Variants in RFTN1 observed in about 807,000 individuals in gnomAD.
RFTN1 encodes raftlin.
A neutral mutation model predicts 46.5 loss-of-function variants in RFTN1; 26 were observed. The observed-to-expected ratio is 0.56, with a 90% CI of 0.41 to 0.78. RFTN1 has a LOEUF of 0.78. RFTN1 is among the 30% of genes least tolerant of loss of function. The probability of loss-of-function intolerance (pLI) is 0.00; values close to 1 mark genes in which losing one functional copy is unlikely to be tolerated. For synonymous variants in RFTN1, 261 were observed against 284.2 expected, an observed-to-expected ratio of 0.92 and a Z score of 0.82; for missense variants, 693 against 718.7, an observed-to-expected ratio of 0.96 and a Z score of 0.41.
chr3:16,434,980 A>C (rs2075474354), intron 2 of RFTN1, among the ~76,000 whole-genome samples: 1 of 152,234 alleles, frequency 6.6e-6, no homozygotes, highest in Admixed American at 6.5e-5. Context: ...CACCTATTGA[A>C]TTATTTTAAA....
intron 4 of RFTN1, among the ~76,000 whole-genome samples, chr3:16,386,885 G>A (rs1242997093): frequency 1.3e-5 from 2 of 152,146 alleles, no homozygotes; most frequent in African/African-American, 4.8e-5. Context: ...AGAAGTCCAC[G>A]GGAGACAAAA....
chr3:16,469,292 G>A (rs902543039), intron 2 of RFTN1, among the ~76,000 whole-genome samples: 3 of 152,228 alleles, frequency 2.0e-5, no homozygotes, highest in Non-Finnish European at 2.9e-5. Context: ...ACTTCGAAGC[G>A]TGACTGGTAT....
chr3:16,381,724 C>T lies in RFTN1; in HGVS notation c.442-3622G>A, dbSNP rs1374440567. Among the ~76,000 whole-genome samples, 6 of 152,060 alleles carry T rather than the reference C, an allele frequency of 3.9e-5. No homozygotes were observed. Among genetic ancestry groups the T allele is most frequent in the Admixed American group, 3.3e-4 (5 of 15,270 alleles). Reference sequence around the variant, plus strand: ...GCAAAAGCGTGACAGTATGCAACAGCCTGGTGTGTTGAGGAAATTTCTAGA... The same window carrying T: ...GCAAAAGCGTGACAGTATGCAACAGTCTGGTGTGTTGAGGAAATTTCTAGA... On this transcript the variant is annotated intron_variant, in intron 4 of 9. Coordinates refer to ENST00000334133, the MANE Select transcript of RFTN1 (RefSeq NM_015150.2). The surrounding 1 kb of genome is among the most constrained non-coding windows in gnomAD (Gnocchi z 4.2).
chr3:16,326,942 GA>G (rs2069763967), intron 7 of RFTN1, 66 bp from the exon 8 acceptor site: 4 of 1,232,182 alleles, frequency 3.2e-6, no homozygotes, highest in Non-Finnish European at 4.7e-6. Context: ...AATGAGAGGG[GA>G]CTATTCAGTC....
intron 2 of RFTN1, among the ~76,000 whole-genome samples, chr3:16,491,154 G>A (rs1402161630): frequency 1.3e-5 from 2 of 152,142 alleles, no homozygotes; most frequent in Non-Finnish European, 2.9e-5. Context: ...GAATTGGGGA[G>A]AAGGTAGAAA....
In RFTN1 at chr3:16,448,364, A is replaced by C. The variant is rs1213946181; in HGVS notation, c.146-14327T>G. The stretch of plus-strand genomic sequence containing the variant: ...ATGCATTTTCTTACAGTCCAAAAAA[A>C]AACATGATCCCTTGTTGACTTTTAT... On this transcript the variant is annotated intron_variant, in intron 2 of 9. Transcript: ENST00000334133. The surrounding 1 kb of genome is among the most constrained non-coding windows in gnomAD (Gnocchi z 4.1). 1.3e-5 allele frequency among the ~76,000 whole-genome samples: 2 copies of C among 152,192 alleles called. No homozygotes were observed. Among genetic ancestry groups the C allele is most frequent in the East Asian group, 3.8e-4 (2 of 5,198 alleles).
At position 16,448,156 on chromosome 3, in the gene RFTN1, T is replaced by C. The variant is rs1240195928; in HGVS notation, c.146-14119A>G. On this transcript the variant is annotated intron_variant, in intron 2 of 9. Transcript: ENST00000334133. The surrounding 1 kb of genome is among the most constrained non-coding windows in gnomAD (Gnocchi z 4.1). ...AAAAAGTCTCCCAATAATAATTTTT[T>C]ATTGATTCCATATTGAAATGATAAA... is the stretch of plus-strand genomic sequence containing the variant. Among the ~76,000 whole-genome samples, 2 of 152,122 alleles carry C rather than the reference T, an allele frequency of 1.3e-5. No individual in the cohort carries two copies. Among genetic ancestry groups the C allele is most frequent in the African/African-American group, 4.8e-5 (2 of 41,434 alleles).
rs2124895022 is a variant in RFTN1 at position 16,446,927 on chromosome 3, A to C, written c.146-12890T>G. Among the ~76,000 whole-genome samples the C allele has an allele frequency of 6.6e-6, 1 of 152,362 alleles. No homozygotes were observed. The highest frequency in any genetic ancestry group is 2.1e-4 in the South Asian group (1 of 4,828). The stretch of plus-strand genomic sequence containing the variant: ...AAGCTTCTGAATATAGTAATATAAA[A>C]TGACAAACTATGGAAACTATTGGAA... On this transcript the variant is annotated intron_variant, in intron 2 of 9. Coordinates refer to ENST00000334133, the MANE Select transcript of RFTN1 (RefSeq NM_015150.2). This position sits in a 1 kb window ranked among gnomAD's most constrained non-coding sequence, Gnocchi z 4.5.
In RFTN1 at chr3:16,382,777, T is replaced by C. The variant is rs1286128736; in HGVS notation, c.442-4675A>G. 2.6e-5 allele frequency among the ~76,000 whole-genome samples: 4 copies of C among 152,136 alleles called. No homozygotes were observed. The highest frequency in any genetic ancestry group is 7.2e-5 in the African/African-American group (3 of 41,430). On this transcript the variant is annotated intron_variant, in intron 4 of 9. Transcript: ENST00000334133. This position sits in a 1 kb window ranked among gnomAD's most constrained non-coding sequence, Gnocchi z 4.7. ...AGTGTTTCTGGAATTACTTCCTCCT[T>C]CTCCATAAAGTGACCATCCAAGCTC... is the stretch of plus-strand genomic sequence containing the variant.
At chr3:16,404,952 T>C (rs918508560) in intron 4 of RFTN1, among the ~76,000 whole-genome samples, 3 of 152,120 alleles carry the variant, frequency 2.0e-5, no homozygotes, top group African/African-American at 7.2e-5. Context: ...CATTCTGGTC[T>C]CTCAAATGGA....
intron 2 of RFTN1, 61 bp from the exon 3 acceptor site, chr3:16,434,098 C>A: frequency 7.1e-7 from 1 of 1,409,580 alleles, no homozygotes; most frequent in Non-Finnish European, 9.4e-7. Flanking sequence ...CAGCCCTGCC[C>A]AAACCCCTCT....
chr3:16,342,014 A>G lies in RFTN1; in HGVS notation c.1147-15138T>C, dbSNP rs1020446114. On this transcript the variant is annotated intron_variant, in intron 7 of 9. Coordinates refer to ENST00000334133, the MANE Select transcript of RFTN1 (RefSeq NM_015150.2). The surrounding 1 kb of genome is among the most constrained non-coding windows in gnomAD (Gnocchi z 4.0). ...ATTTTCTAAATTATCTTTAATGACCACTTGTCACTTTTTTCAACATCTTTA... is the reference window on the plus strand; with the variant it reads ...ATTTTCTAAATTATCTTTAATGACCGCTTGTCACTTTTTTCAACATCTTTA... Among the ~76,000 whole-genome samples the G allele has an allele frequency of 1.3e-5, 2 of 152,154 alleles. No individual in the cohort carries two copies. The highest frequency in any genetic ancestry group is 2.9e-5 in the Non-Finnish European group (2 of 68,026).
At chr3:16,399,660 G>T (rs62236333) in intron 4 of RFTN1, among the ~76,000 whole-genome samples, 11,486 of 152,164 alleles carry the variant, frequency 0.075, 547 homozygotes, top group African/African-American at 0.13. Flanking sequence ...CTTCCTGGGC[G>T]ATTTCATCCA....
chr3:16,489,844 G>T lies in RFTN1; in HGVS notation c.145+3881C>A, dbSNP rs1347663528. On this transcript the variant is annotated intron_variant, in intron 2 of 9. Coordinates refer to ENST00000334133, the MANE Select transcript of RFTN1 (RefSeq NM_015150.2). The surrounding 1 kb of genome is among the most constrained non-coding windows in gnomAD (Gnocchi z 4.0). ...AATCACTTGAACCTGGGAGGCAGAG[G>T]TTGCAGTGAGCTGAGATCACAACAT... Among the ~76,000 whole-genome samples the T allele has an allele frequency of 6.6e-6, 1 of 151,914 alleles. No homozygotes were observed. Among genetic ancestry groups the T allele is most frequent in the Non-Finnish European group, 1.5e-5 (1 of 67,964 alleles).
At position 16,480,496 on chromosome 3, in the gene RFTN1, C is replaced by T. The variant is rs1383706199; in HGVS notation, c.145+13229G>A. 2.0e-5 allele frequency among the ~76,000 whole-genome samples: 3 copies of T among 152,158 alleles called. No individual in the cohort carries two copies. The highest frequency in any genetic ancestry group is 4.4e-5 in the Non-Finnish European group (3 of 68,020). On this transcript the variant is annotated intron_variant, in intron 2 of 9. Transcript: ENST00000334133. This position sits in a 1 kb window ranked among gnomAD's most constrained non-coding sequence, Gnocchi z 4.3. Reference sequence around the variant, plus strand: ...CCATGTAATTTTTACTTATCAGGAGCCCTGACCTGTAAACAAAGAAGAGTA... The same window carrying T: ...CCATGTAATTTTTACTTATCAGGAGTCCTGACCTGTAAACAAAGAAGAGTA...
Position 16,317,535 on chromosome 3 carries a change from T to C in RFTN1, c.1333-303A>G, listed in dbSNP as rs1156985117. ...AAAGGCCCACATAGGAAAGGGCTCC[T>C]AAAGTCCTATCATTTGGAGGGCCAG... On this transcript the variant is annotated intron_variant, in intron 9 of 9. Transcript: ENST00000334133. This position sits in a 1 kb window ranked among gnomAD's most constrained non-coding sequence, Gnocchi z 4.3. Among the ~76,000 whole-genome samples the C allele has an allele frequency of 6.6e-6, 1 of 152,150 alleles. No individual in the cohort carries two copies. The highest frequency in any genetic ancestry group is 2.4e-5 in the African/African-American group (1 of 41,430).
intron 6 of RFTN1, among the ~76,000 whole-genome samples, chr3:16,367,090 A>G (rs1393524862): frequency 6.6e-6 from 1 of 152,210 alleles, no homozygotes; most frequent in African/African-American, 2.4e-5. Context: ...TGTTTATGGG[A>G]CACAGTTCTC....
At chr3:16,503,932 GT>G (rs1251517809) in intron 1 of RFTN1, among the ~76,000 whole-genome samples, 1 of 152,212 alleles carries the variant, frequency 6.6e-6, no homozygotes, top group Non-Finnish European at 1.5e-5. Context: ...GCTTCAGATA[GT>G]TTATTTTTGG....
intron 3 of RFTN1, among the ~76,000 whole-genome samples, chr3:16,423,946 G>A (rs946467243): frequency 3.9e-5 from 6 of 152,056 alleles, no homozygotes; most frequent in African/African-American, 7.2e-5. Context: ...ACTGATAATC[G>A]TAGAACCATT....
Sources: allele counts gnomAD v4.1 joint callset (sites outside exome capture counted in the v4.1 genomes callset), GRCh38; gene constraint gnomAD v4.1.1; non-coding constraint Gnocchi (gnomAD v3.1); transcripts MANE v1.5; gene names NCBI Gene and HGNC (gene_info 2026-07-23, HGNC 2026-07-21).